SHISA9: variants seen among roughly 807,000 people sequenced by gnomAD.
SHISA9 encodes the protein shisa family member 9, also known as protein shisa-9.
SHISA9 carries 13 observed loss-of-function variants against 38.0 expected under a neutral mutation model. The observed-to-expected ratio is 0.34, with a 90% CI of 0.22 to 0.54. The LOEUF (loss-of-function observed/expected upper bound fraction) is 0.54. Ranked by LOEUF, SHISA9 falls within the 20% of genes least tolerant of loss-of-function variation. The probability of loss-of-function intolerance (pLI) is 0.91; values close to 1 mark genes in which losing one functional copy is unlikely to be tolerated. For synonymous variants in SHISA9, 275 were observed against 242.0 expected, an observed-to-expected ratio of 1.14 and a Z score of -1.27; for missense variants, 538 against 575.8, an observed-to-expected ratio of 0.93 and a Z score of 0.67.
At chr16:13,456,938 G>A in the SHISA9 span, among the ~76,000 whole-genome samples, 8 of 152,350 alleles carry the variant, frequency 5.3e-5, no homozygotes, top group South Asian at 2.1e-4. Flanking sequence ...GAACTTTTCC[G>A]GGACTCTGCC....
intron 2 of SHISA9, among the ~76,000 whole-genome samples, chr16:13,000,747 A>G (rs2072513536): frequency 6.6e-6 from 1 of 152,156 alleles, no homozygotes. Context: ...TTCAAGAATG[A>G]GCAGCTGCCA....
chr16:13,550,163 C>G, the SHISA9 span, among the ~76,000 whole-genome samples: 3 of 152,152 alleles, frequency 2.0e-5, no homozygotes, highest in Middle Eastern at 3.4e-3. Flanking sequence ...GAGGTTGGAA[C>G]AGTGGAAAGA....
At chr16:13,387,503 T>C in the SHISA9 span, among the ~76,000 whole-genome samples, 254 of 149,756 alleles carry the variant, frequency 1.7e-3, 1 homozygote, top group Non-Finnish European at 2.7e-3. Flanking sequence ...TTTTTTTTTT[T>C]CTTGAGACGG....
chr16:13,510,717 T>C, the SHISA9 span, among the ~76,000 whole-genome samples: 54 of 152,338 alleles, frequency 3.5e-4, no homozygotes, highest in African/African-American at 1.2e-3. Flanking sequence ...GTTTTATAAT[T>C]CCAGCCTATA....
At chr16:13,314,762 G>A in the SHISA9 span, among the ~76,000 whole-genome samples, 3 of 151,826 alleles carry the variant, frequency 2.0e-5, no homozygotes, top group African/African-American at 4.8e-5. Context: ...ATTCATATAC[G>A]TAATTTAACA....
the SHISA9 span, among the ~76,000 whole-genome samples, chr16:13,342,561 C>T: frequency 6.6e-6 from 1 of 152,300 alleles, no homozygotes; most frequent in Non-Finnish European, 1.5e-5. Context: ...GCTGGGACTA[C>T]AGGGGTGAGC....
chr16:12,928,537 G>A (rs997967328), intron 2 of SHISA9, among the ~76,000 whole-genome samples: 2 of 152,160 alleles, frequency 1.3e-5, no homozygotes, highest in African/African-American at 4.8e-5. Flanking sequence ...TAACTTTTCA[G>A]TTCTCCAAGA....
the SHISA9 span, among the ~76,000 whole-genome samples, chr16:13,371,351 T>C: frequency 1.3e-5 from 2 of 152,174 alleles, no homozygotes; most frequent in African/African-American, 4.8e-5. Flanking sequence ...TAGGGGTGGA[T>C]CCTTGGTATC....
chr16:13,303,277 T>C, the SHISA9 span, among the ~76,000 whole-genome samples: 1 of 152,360 alleles, frequency 6.6e-6, no homozygotes, highest in African/African-American at 2.4e-5. Flanking sequence ...TGTGCATGTA[T>C]GTTCATAACA....
At chr16:13,525,032 T>A in the SHISA9 span, among the ~76,000 whole-genome samples, 2 of 152,206 alleles carry the variant, frequency 1.3e-5, no homozygotes, top group Non-Finnish European at 2.9e-5. Context: ...AATATAGTTC[T>A]CAAACTATCT....
At chr16:12,916,980 G>T (rs1161489530) in intron 2 of SHISA9, among the ~76,000 whole-genome samples, 165 bp downstream of exon 2, 1 of 152,172 alleles carries the variant, frequency 6.6e-6, no homozygotes, top group Admixed American at 6.5e-5. Context: ...AGCATCATCC[G>T]ATGTCCGTTG....
chr16:13,262,674 G>GGAAGGAAGGAAGGAAGGAAGGA, the SHISA9 span, among the ~76,000 whole-genome samples: 1 of 47,040 alleles, frequency 2.1e-5, no homozygotes, highest in Non-Finnish European at 4.3e-5. Flanking sequence ...GGAAGGAAGG[G>GGAAGGAAGGAAGGAAGGAAGGA]AGGGAGGAAG....
At chr16:13,526,323 G>T in the SHISA9 span, among the ~76,000 whole-genome samples, 1 of 152,320 alleles carries the variant, frequency 6.6e-6, no homozygotes, top group Non-Finnish European at 1.5e-5. Flanking sequence ...CTGTGGTCAT[G>T]CAGCTTTTTA....
intron 2 of SHISA9, among the ~76,000 whole-genome samples, chr16:13,142,654 C>T (rs192961408): frequency 1.2e-3 from 189 of 152,248 alleles, no homozygotes; most frequent in African/African-American, 4.3e-3. Context: ...CTCAAGGTAC[C>T]CTGTCTTTTG....
chr16:13,228,659 C>A (rs1020480990), intron 4 of SHISA9, among the ~76,000 whole-genome samples: 1 of 152,102 alleles, frequency 6.6e-6, no homozygotes, highest in Non-Finnish European at 1.5e-5. Flanking sequence ...CACCCCTATT[C>A]TTGCCCTATA....
chr16:13,053,143 A>G (rs2073271771), intron 2 of SHISA9, among the ~76,000 whole-genome samples: 1 of 151,588 alleles, frequency 6.6e-6, no homozygotes, highest in South Asian at 2.1e-4. Context: ...TTGTATTTTT[A>G]GTAGAGATGG....
chr16:12,954,290 C>A (rs556468252), intron 2 of SHISA9, among the ~76,000 whole-genome samples: 1 of 152,282 alleles, frequency 6.6e-6, no homozygotes, highest in African/African-American at 2.4e-5. Flanking sequence ...GGGCAAATAA[C>A]AACTTATGAA....
At position 13,233,955 on chromosome 16, in the gene SHISA9, A is replaced by G. The variant is rs186735997; in HGVS notation, c.896-1075A>G. Among the ~76,000 whole-genome samples, 351 of 152,294 alleles carry G rather than the reference A, an allele frequency of 2.3e-3. 1 individual carries two copies. The highest frequency in any genetic ancestry group is 7.9e-3 in the African/African-American group (329 of 41,562). On this transcript the variant is annotated intron_variant, in intron 4 of 4. Transcript: ENST00000558583. ...GAGGTAGAGGCTGCAGTGAGCTATG[A>G]TTGTGCCACTGCACTCCAGCCTGGG...
chr16:13,322,573 G>A, the SHISA9 span, among the ~76,000 whole-genome samples: 4 of 152,260 alleles, frequency 2.6e-5, no homozygotes, highest in African/African-American at 9.6e-5. Flanking sequence ...TGCTAAGGAG[G>A]CTAGTCAAGG....
Sources: gnomAD v4.1 joint callset for allele counts (sites outside exome capture counted in the v4.1 genomes callset) on GRCh38, gnomAD v4.1.1 for gene constraint, MANE v1.5 for transcripts, NCBI Gene and HGNC (gene_info 2026-07-23, HGNC 2026-07-21) for gene names.